Variants in ADAMTSL1 observed in about 807,000 individuals in gnomAD.
The protein encoded by ADAMTSL1 is ADAMTS-like protein 1.
In ADAMTSL1, 126 loss-of-function variants were observed where a neutral mutation model predicts 201.8. The ratio of observed to expected loss-of-function variants is 0.62; its 90% CI spans 0.54 to 0.72. ADAMTSL1 has a LOEUF of 0.72. ADAMTSL1 is among the 30% of genes least tolerant of loss of function. The pLI is 0.00. For synonymous variants in ADAMTSL1, 1,121 were observed against 903.4 expected, an observed-to-expected ratio of 1.24 and a Z score of -4.32; for missense variants, 2,679 against 2,277.8, an observed-to-expected ratio of 1.18 and a Z score of -3.59.
chr9:18,421,607 G>A (rs1039731209), intron 2 of ADAMTSL1, among the ~76,000 whole-genome samples: 2 of 152,154 alleles, frequency 1.3e-5, no homozygotes, highest in Admixed American at 1.3e-4. Flanking sequence ...CTGCTCAACA[G>A]GTCCCCTGCT....
At chr9:18,740,697 G>A (rs551722862) in intron 15 of ADAMTSL1, among the ~76,000 whole-genome samples, 24 of 151,864 alleles carry the variant, frequency 1.6e-4, no homozygotes, top group East Asian at 7.8e-4. Context: ...GGCTGGTCTC[G>A]AACTCCTGAC....
intron 4 of ADAMTSL1, among the ~76,000 whole-genome samples, chr9:18,608,819 T>C (rs527849566): frequency 6.6e-6 from 1 of 152,314 alleles, no homozygotes; most frequent in Admixed American, 6.5e-5. Context: ...TTAATTCTGA[T>C]TAATAAGAAT....
At chr9:18,401,145 G>C (rs764606500) in intron 2 of ADAMTSL1, among the ~76,000 whole-genome samples, 27 of 152,094 alleles carry the variant, frequency 1.8e-4, no homozygotes, top group Non-Finnish European at 3.1e-4. Flanking sequence ...TTATTTTTTG[G>C]AAAACTTAAT....
chr9:18,908,545 G>A lies in ADAMTSL1; in HGVS notation c.5286G>A (p.Ala1762=), dbSNP rs780077017. The change falls in exon 29 of 29, where the codon GCG becomes GCA. Residue 1762 remains alanine (A), a synonymous_variant. Coordinates refer to ENST00000380548, the MANE Select transcript of ADAMTSL1 (RefSeq NM_001040272.6). ...KSRCCGTCGK[A] ...GCTGCTGTGGAACTTGTGGCAAAGC[G>A]TGAAGATAGGGTGTGGGGAAAAACT... is the stretch of plus-strand genomic sequence containing the variant. 1.2e-5 allele frequency: 18 copies of A among 1,558,520 alleles called. No individual in the cohort carries two copies. The highest frequency in any genetic ancestry group is 7.1e-5 in the South Asian group (6 of 84,318).
In ADAMTSL1 at chr9:17,967,579, AG is replaced by A. The variant is rs386733253; in HGVS notation, c.87+60659del. ...CATATAGATGACAAAAAAGAGGCTT[AG>A]GAAGATTAAATATTTCCAATATAGA... On this transcript the variant is annotated intron_variant, in intron 1 of 29. Transcript: ENST00000680146. 4.7e-3 allele frequency among the ~76,000 whole-genome samples: 714 copies of A among 152,258 alleles called. 5 individuals carry two copies. The highest frequency in any genetic ancestry group is 0.016 in the African/African-American group (683 of 41,580).
chr9:18,825,284 G>T (rs1164913532), intron 21 of ADAMTSL1, among the ~76,000 whole-genome samples: 1 of 152,196 alleles, frequency 6.6e-6, no homozygotes, highest in Non-Finnish European at 1.5e-5. Context: ...GGTCCCTAGA[G>T]CACAGAGCCT....
chr9:18,734,063 A>G (rs953672361), intron 15 of ADAMTSL1, among the ~76,000 whole-genome samples: 17 of 152,142 alleles, frequency 1.1e-4, no homozygotes, highest in Non-Finnish European at 2.1e-4. Flanking sequence ...AATCCAATTC[A>G]TATAGTATGC....
At chr9:18,136,723 A>G (rs1010582815) in intron 1 of ADAMTSL1, among the ~76,000 whole-genome samples, 2 of 152,122 alleles carry the variant, frequency 1.3e-5, no homozygotes, top group Admixed American at 6.6e-5. Context: ...GTAGGAAAAT[A>G]GACAGATATT....
intron 2 of ADAMTSL1, among the ~76,000 whole-genome samples, chr9:18,374,793 G>C (rs569197064): frequency 1.3e-5 from 2 of 152,258 alleles, no homozygotes; most frequent in African/African-American, 4.8e-5. Context: ...CCATTTATTA[G>C]ATGCACTAAA....
chr9:18,884,497 T>G (rs537932313), intron 23 of ADAMTSL1, among the ~76,000 whole-genome samples: 1 of 152,062 alleles, frequency 6.6e-6, no homozygotes, highest in Non-Finnish European at 1.5e-5. Flanking sequence ...AAACCCAATG[T>G]CATTAAAGTT....
At chr9:18,837,349 A>G (rs913139476) in intron 23 of ADAMTSL1, among the ~76,000 whole-genome samples, 2 of 152,248 alleles carry the variant, frequency 1.3e-5, no homozygotes, top group South Asian at 2.1e-4. Flanking sequence ...ATTTGCTGAA[A>G]ATATTATCCT....
chr9:18,861,492 G>T (rs894104989), intron 23 of ADAMTSL1, among the ~76,000 whole-genome samples: 1 of 152,190 alleles, frequency 6.6e-6, no homozygotes, highest in African/African-American at 2.4e-5. Flanking sequence ...CTCCACAGGA[G>T]TCTCTGGAGT....
At chr9:18,648,884 A>C (rs1828003528) in intron 7 of ADAMTSL1, among the ~76,000 whole-genome samples, 1 of 152,082 alleles carries the variant, frequency 6.6e-6, no homozygotes, top group Non-Finnish European at 1.5e-5. Flanking sequence ...GCTCTTCTCG[A>C]GGAGTACCTT....
At chr9:18,384,352 G>A (rs982843221) in intron 2 of ADAMTSL1, among the ~76,000 whole-genome samples, 8 of 152,076 alleles carry the variant, frequency 5.3e-5, no homozygotes, top group Non-Finnish European at 8.8e-5. Flanking sequence ...AATCTGCCCC[G>A]TGATTCAATC....
chr9:18,668,343 A>G (rs771019785), intron 9 of ADAMTSL1, among the ~76,000 whole-genome samples: 1 of 152,224 alleles, frequency 6.6e-6, no homozygotes, highest in Non-Finnish European at 1.5e-5. Context: ...TCCCATGCTT[A>G]TAGATACACC....
At chr9:18,136,179 A>G (rs960096158) in intron 1 of ADAMTSL1, among the ~76,000 whole-genome samples, 3 of 152,318 alleles carry the variant, frequency 2.0e-5, no homozygotes, top group East Asian at 1.9e-4. Flanking sequence ...CTGGCTGCAC[A>G]TCAGAATCAT....
intron 1 of ADAMTSL1, among the ~76,000 whole-genome samples, chr9:17,968,061 T>C (rs1818048850): frequency 6.6e-6 from 1 of 152,112 alleles, no homozygotes; most frequent in Non-Finnish European, 1.5e-5. Flanking sequence ...TTGTCTAATG[T>C]AGCTTTAGTT....
chr9:18,549,733 G>A (rs1820683770), intron 3 of ADAMTSL1, among the ~76,000 whole-genome samples: 1 of 151,966 alleles, frequency 6.6e-6, no homozygotes, highest in Non-Finnish European at 1.5e-5. Context: ...TCTGGAGGAA[G>A]CAATCAAGGG....
intron 10 of ADAMTSL1, among the ~76,000 whole-genome samples, chr9:18,676,225 C>T (rs1830121214): frequency 6.6e-6 from 1 of 151,930 alleles, no homozygotes; most frequent in Non-Finnish European, 1.5e-5. Context: ...TCCTATTTTT[C>T]CTCTCAATAG....
Sources: gnomAD v4.1 joint callset for allele counts (sites outside exome capture counted in the v4.1 genomes callset) on GRCh38, gnomAD v4.1.1 for gene constraint, MANE v1.5 for transcripts, NCBI Gene and HGNC (gene_info 2026-07-23, HGNC 2026-07-21) for gene names.